Variants in SLC24A3 observed in about 807,000 individuals in gnomAD.
The protein encoded by SLC24A3 is sodium/potassium/calcium exchanger 3.
In SLC24A3, 28 loss-of-function variants were observed where a neutral mutation model predicts 75.8. That is an observed-to-expected ratio of 0.37 (90% CI 0.27 to 0.51). SLC24A3 has a LOEUF of 0.51. SLC24A3 is among the 20% of genes least tolerant of loss of function. SLC24A3 has a pLI of 0.94. For missense variants in SLC24A3, 663 were observed against 847.8 expected, an observed-to-expected ratio of 0.78 and a Z score of 2.71; for synonymous variants, 372 against 334.1, an observed-to-expected ratio of 1.11 and a Z score of -1.24.
chr20:19,473,656 G>A (rs1987912123), intron 2 of SLC24A3, among the ~76,000 whole-genome samples: 1 of 152,204 alleles, frequency 6.6e-6, no homozygotes, highest in Non-Finnish European at 1.5e-5. Flanking sequence ...AGCTCTCTCT[G>A]GCTTCATGAA....
chr20:19,489,035 G>A (rs1194192305), intron 2 of SLC24A3, among the ~76,000 whole-genome samples: 6 of 152,172 alleles, frequency 3.9e-5, no homozygotes, highest in Admixed American at 1.3e-4. Context: ...GCAGAAACCC[G>A]CATACGTCTT....
intron 2 of SLC24A3, among the ~76,000 whole-genome samples, chr20:19,424,640 C>A (rs1986968792): frequency 6.6e-6 from 1 of 150,406 alleles, no homozygotes; most frequent in African/African-American, 2.4e-5. Flanking sequence ...GAGCCAAGAG[C>A]CTAGGTTGTG....
At chr20:19,447,606 A>G (rs577688861) in intron 2 of SLC24A3, among the ~76,000 whole-genome samples, 52 of 152,310 alleles carry the variant, frequency 3.4e-4, no homozygotes, top group Admixed American at 2.9e-3. Flanking sequence ...AAACAGGAAG[A>G]TGGCAGGTTT....
intron 2 of SLC24A3, among the ~76,000 whole-genome samples, chr20:19,474,486 T>C (rs1987928695): frequency 6.6e-6 from 1 of 152,178 alleles, no homozygotes; most frequent in African/African-American, 2.4e-5. Flanking sequence ...AGTTAGGGGT[T>C]TATCCTGGTG....
intron 3 of SLC24A3, among the ~76,000 whole-genome samples, chr20:19,527,563 G>C (rs2030220959): frequency 6.6e-6 from 1 of 152,180 alleles, no homozygotes; most frequent in Non-Finnish European, 1.5e-5. Context: ...GGAAACCCCT[G>C]CTCATGAGGC....
chr20:19,475,097 C>T (rs529696915), intron 2 of SLC24A3, among the ~76,000 whole-genome samples: 7 of 152,192 alleles, frequency 4.6e-5, no homozygotes, highest in African/African-American at 1.2e-4. Flanking sequence ...CCAGCACTTT[C>T]GGAGGCCGAG....
At chr20:19,447,496 G>A (rs1277622233) in intron 2 of SLC24A3, among the ~76,000 whole-genome samples, 3 of 152,088 alleles carry the variant, frequency 2.0e-5, no homozygotes, top group African/African-American at 7.2e-5. Flanking sequence ...GTTATGGGAG[G>A]CAAAGTGTTG....
At chr20:19,665,803 G>A in intron 7 of SLC24A3, 61 bp from the exon 8 acceptor site, 1 of 1,408,340 alleles carries the variant, frequency 7.1e-7, no homozygotes, top group Non-Finnish European at 9.6e-7. Flanking sequence ...GTGTGTGTGT[G>A]TGTGTGTGTG....
At chr20:19,271,691 C>G (rs1983335737) in intron 1 of SLC24A3, among the ~76,000 whole-genome samples, 1 of 152,138 alleles carries the variant, frequency 6.6e-6, no homozygotes, top group African/African-American at 2.4e-5. Context: ...TTGCAGCAAC[C>G]TGGGTGGAGT....
chr20:19,242,774 T>C (rs1437368259), intron 1 of SLC24A3, among the ~76,000 whole-genome samples: 5 of 152,196 alleles, frequency 3.3e-5, no homozygotes, highest in East Asian at 1.9e-4. Flanking sequence ...GGAGGCAAAA[T>C]TGGTTTCTTT....
At chr20:19,649,014 G>A (rs1365520966) in intron 6 of SLC24A3, among the ~76,000 whole-genome samples, 1 of 152,200 alleles carries the variant, frequency 6.6e-6, no homozygotes, top group Admixed American at 6.5e-5. Context: ...ATTACTCACT[G>A]TTGGTTTTCT....
chr20:19,336,920 T>C (rs933007331), intron 2 of SLC24A3, among the ~76,000 whole-genome samples: 1 of 152,024 alleles, frequency 6.6e-6, no homozygotes, highest in Non-Finnish European at 1.5e-5. Flanking sequence ...TCCCAGCACA[T>C]CATGTTAATT....
intron 3 of SLC24A3, among the ~76,000 whole-genome samples, chr20:19,523,156 T>C (rs2030135692): frequency 6.6e-6 from 1 of 152,082 alleles, no homozygotes; most frequent in African/African-American, 2.4e-5. Flanking sequence ...ACAAACTATC[T>C]TCAAAAGAAA....
intron 6 of SLC24A3, among the ~76,000 whole-genome samples, chr20:19,624,374 A>G (rs542207421): frequency 6.6e-6 from 1 of 152,340 alleles, no homozygotes; most frequent in East Asian, 1.9e-4. Flanking sequence ...ACATAGTGGC[A>G]GTATCAAAAT....
At chr20:19,263,480 A>G (rs984392906) in intron 1 of SLC24A3, among the ~76,000 whole-genome samples, 2 of 152,228 alleles carry the variant, frequency 1.3e-5, no homozygotes, top group African/African-American at 4.8e-5. Flanking sequence ...AATTAGAAAT[A>G]TAGGGGTTCA....
intron 2 of SLC24A3, among the ~76,000 whole-genome samples, chr20:19,418,101 C>T (rs4813357): frequency 0.3 from 45,594 of 152,124 alleles, 8,228 homozygotes; most frequent in Middle Eastern, 0.49. Flanking sequence ...AACATTTTAG[C>T]TCCTCACTCA....
chr20:19,225,953 T>C (rs1169955904), intron 1 of SLC24A3, among the ~76,000 whole-genome samples: 2 of 152,200 alleles, frequency 1.3e-5, no homozygotes, highest in Non-Finnish European at 2.9e-5. Context: ...GCTAAGACTT[T>C]TAGTACAATA....
At chr20:19,581,095 C>G (rs905069351) in intron 4 of SLC24A3, among the ~76,000 whole-genome samples, 5 of 152,208 alleles carry the variant, frequency 3.3e-5, no homozygotes, top group Non-Finnish European at 7.3e-5. Context: ...AAAAGTGTCC[C>G]ACAATAACAA....
intron 2 of SLC24A3, among the ~76,000 whole-genome samples, chr20:19,323,920 A>T (rs1045748899): frequency 6.6e-6 from 1 of 152,198 alleles, no homozygotes; most frequent in Non-Finnish European, 1.5e-5. Flanking sequence ...TTAGCATTTC[A>T]AAAAAGTCTG....
Sources: gnomAD v4.1 joint callset for allele counts (sites outside exome capture counted in the v4.1 genomes callset) on GRCh38, gnomAD v4.1.1 for gene constraint, MANE v1.5 for transcripts, NCBI Gene and HGNC (gene_info 2026-07-23, HGNC 2026-07-21) for gene names.